ZNF385D: variants seen among roughly 807,000 people sequenced by gnomAD.
ZNF385D encodes the protein zinc finger protein 385D, also known as zinc finger protein 659.
Under a neutral mutation model 35.8 loss-of-function variants are expected in ZNF385D, and 15 were observed. The observed-to-expected ratio is 0.42, with a 90% CI of 0.28 to 0.64. The LOEUF (loss-of-function observed/expected upper bound fraction) is 0.64. ZNF385D is among the 30% of genes least tolerant of loss of function. ZNF385D has a pLI of 0.23. For missense variants in ZNF385D, 474 were observed against 494.6 expected, an observed-to-expected ratio of 0.96 and a Z score of 0.39; for synonymous variants, 212 against 186.8, an observed-to-expected ratio of 1.13 and a Z score of -1.10.
chr3:22,209,827 T>C (rs1302082414), intron 2 of ZNF385D, among the ~76,000 whole-genome samples: 3 of 151,682 alleles, frequency 2.0e-5, no homozygotes, highest in South Asian at 2.1e-4. Context: ...ACTCAGAATA[T>C]ATGTGGTGAT....
At position 22,090,520 on chromosome 3, in the gene ZNF385D, G is replaced by C. The variant is rs1422707138; in HGVS notation, c.325+78297C>G. ...GCTCTTACAGAGAAAAAAAAAATAA[G>C]CTCTCAGTTCAATTCACAGCCTAAG... On this transcript the variant is annotated intron_variant, in intron 3 of 5. Coordinates refer to the ZNF385D transcript ENST00000494108. Among the ~76,000 whole-genome samples the C allele has an allele frequency of 2.0e-5, 3 of 152,016 alleles. No individual in the cohort carries two copies. The East Asian group carries it at 5.8e-4, about 29-fold the overall frequency.
rs534266196 is a variant in ZNF385D, at chr3:21,504,884, A to ATAAC, written c.439+5973_439+5976dup. On this transcript the variant is annotated intron_variant, in intron 4 of 7. Transcript: ENST00000281523. ...AGATGTGGTTTATGTACTGTAGAGT[A>ATAAC]TAACTGGAGAGTAAAATGAAGAACA... Among the ~76,000 whole-genome samples the ATAAC allele has an allele frequency of 3.2e-4, 48 of 152,284 alleles. 1 individual carries two copies. The South Asian group carries it at 6.0e-3, about 19-fold the overall frequency.
At chr3:21,472,708 G>T (rs891370241) in intron 4 of ZNF385D, among the ~76,000 whole-genome samples, 2 of 151,770 alleles carry the variant, frequency 1.3e-5, no homozygotes, top group Admixed American at 6.6e-5. Context: ...CCAATCACAG[G>T]CTGCCAACTG....
At chr3:22,005,291 T>C (rs1212212721) in intron 3 of ZNF385D, among the ~76,000 whole-genome samples, 1 of 151,722 alleles carries the variant, frequency 6.6e-6, no homozygotes, top group Admixed American at 6.6e-5. Context: ...AAATAAGAAA[T>C]TCTGAAAAGG....
intron 3 of ZNF385D, among the ~76,000 whole-genome samples, chr3:21,535,963 T>G (rs2062026380): frequency 6.7e-6 from 1 of 150,126 alleles, no homozygotes. Flanking sequence ...TTAACTGGGA[T>G]GAAGAAAATA....
chr3:21,534,935 A>G (rs542898216), intron 3 of ZNF385D, among the ~76,000 whole-genome samples: 1 of 152,284 alleles, frequency 6.6e-6, no homozygotes, highest in South Asian at 2.1e-4. Flanking sequence ...TCTCTTTTCT[A>G]CATAAGTAAA....
intron 3 of ZNF385D, among the ~76,000 whole-genome samples, chr3:21,984,542 A>G (rs1447446457): frequency 8.0e-6 from 1 of 124,450 alleles, no homozygotes; most frequent in Non-Finnish European, 1.7e-5. Flanking sequence ...TTTTGGTACC[A>G]GTACCATGCT....
intron 2 of ZNF385D, among the ~76,000 whole-genome samples, chr3:22,315,633 A>C (rs1703845995): frequency 6.6e-6 from 1 of 152,210 alleles, no homozygotes; most frequent in African/African-American, 2.4e-5. Context: ...AGCTAAAACA[A>C]GATATTAAAT....
chr3:21,944,274 C>G (rs522590), intron 3 of ZNF385D, among the ~76,000 whole-genome samples: 122,220 of 152,076 alleles, frequency 0.8, 49,334 homozygotes, highest in East Asian at 0.98. Flanking sequence ...AATAGAAGGT[C>G]GTCTCTGCAG....
At chr3:21,909,245 C>A (rs773580060) in intron 3 of ZNF385D, among the ~76,000 whole-genome samples, 3 of 152,014 alleles carry the variant, frequency 2.0e-5, no homozygotes, top group Non-Finnish European at 4.4e-5. Flanking sequence ...TTTTTGGAAC[C>A]AGTTGACAGA....
intron 3 of ZNF385D, among the ~76,000 whole-genome samples, chr3:21,911,262 T>C (rs948821907): frequency 2.6e-5 from 4 of 151,984 alleles, no homozygotes; most frequent in African/African-American, 9.7e-5. Flanking sequence ...AGTCCATTAG[T>C]TCTCATTTTA....
chr3:22,298,330 G>A (rs1368857350), intron 2 of ZNF385D, among the ~76,000 whole-genome samples: 2 of 146,910 alleles, frequency 1.4e-5, no homozygotes, highest in Non-Finnish European at 3.0e-5. Flanking sequence ...GAGGTTGACT[G>A]AGACTTTAAC....
chr3:21,631,406 CT>C (rs1422959716), intron 2 of ZNF385D, among the ~76,000 whole-genome samples: 1 of 152,108 alleles, frequency 6.6e-6, no homozygotes, highest in African/African-American at 2.4e-5. Context: ...ATCAGCCTAT[CT>C]CCCCACCCTA....
chr3:22,113,053 T>C (rs1204086333), intron 3 of ZNF385D, among the ~76,000 whole-genome samples: 1 of 152,180 alleles, frequency 6.6e-6, no homozygotes, highest in East Asian at 1.9e-4. Context: ...ATGAAGTAGA[T>C]TGGACCCAAA....
chr3:22,101,780 A>G lies in ZNF385D; in HGVS notation c.325+67037T>C, dbSNP rs566669509. Among the ~76,000 whole-genome samples the G allele has an allele frequency of 7.2e-5, 11 of 152,230 alleles. No individual in the cohort carries two copies. In the East Asian group the frequency reaches 2.1e-3, roughly 29 times the overall value. On this transcript the variant is annotated intron_variant, in intron 3 of 5. Coordinates refer to the ZNF385D transcript ENST00000494108. ...GAAGACCCAAAAGAAGATGAAATCA[A>G]ATATCAAGAATGGTATACTTCTTGG...
At chr3:22,058,010 AAATG>A (rs922624793) in intron 3 of ZNF385D, among the ~76,000 whole-genome samples, 1 of 152,210 alleles carries the variant, frequency 6.6e-6, no homozygotes, top group Admixed American at 6.5e-5. Flanking sequence ...GTGAATGAAT[AAATG>A]AATGAATGAA....
chr3:21,939,505 T>C (rs928686382), intron 3 of ZNF385D, among the ~76,000 whole-genome samples: 2 of 152,164 alleles, frequency 1.3e-5, no homozygotes, highest in Non-Finnish European at 2.9e-5. Context: ...CAATTATATA[T>C]TGTAAATTAT....
chr3:22,301,543 T>G (rs1479614457), intron 2 of ZNF385D, among the ~76,000 whole-genome samples: 1 of 152,086 alleles, frequency 6.6e-6, no homozygotes, highest in Admixed American at 6.6e-5. Context: ...TATATAATTT[T>G]GTCAATTAAA....
intron 3 of ZNF385D, among the ~76,000 whole-genome samples, chr3:22,000,096 G>A (rs1695741520): frequency 6.6e-6 from 1 of 152,026 alleles, no homozygotes; most frequent in Admixed American, 6.6e-5. Context: ...ATGAGCTCAG[G>A]AGATCAAGAC....
Sources: allele counts gnomAD v4.1 joint callset (sites outside exome capture counted in the v4.1 genomes callset), GRCh38; gene constraint gnomAD v4.1.1; transcripts MANE v1.5; gene names NCBI Gene and HGNC (gene_info 2026-07-23, HGNC 2026-07-21).